The following FOXP2 variants were observed in gnomAD, a reference collection of about 807,000 sequenced individuals.
FOXP2 encodes forkhead box P2, also known as forkhead box protein P2.
In FOXP2, 12 loss-of-function variants were observed where a neutral mutation model predicts 115.8. That is an observed-to-expected ratio of 0.10 (90% CI 0.07 to 0.17). The LOEUF (loss-of-function observed/expected upper bound fraction) is 0.17. FOXP2 is among the 10% of genes least tolerant of loss of function. FOXP2 has a pLI of 1.00. For synonymous variants in FOXP2, 328 were observed against 297.7 expected (o/e 1.10, Z -1.05); for missense variants, 629 against 843.5 (o/e 0.75, Z 3.15).
At chr7:114,334,931 CTA>C (rs144511332) in intron 2 of FOXP2, among the ~76,000 whole-genome samples, 31,441 of 118,944 alleles carry the variant, frequency 0.26, 3,554 homozygotes, top group Middle Eastern at 0.37. Context: ...ATATAGAAAT[CTA>C]TATATATATA....
At chr7:114,094,012 A>C (rs1271610382) in intron 1 of FOXP2, among the ~76,000 whole-genome samples, 4 of 152,202 alleles carry the variant, frequency 2.6e-5, no homozygotes, top group Non-Finnish European at 4.4e-5. Flanking sequence ...CAGCAAGGAC[A>C]AGCCAAGTAT....
chr7:114,103,870 A>G lies in FOXP2; in HGVS notation c.-247+16032A>G, dbSNP rs183143632. On this transcript the variant is annotated intron_variant, in intron 1 of 19. Coordinates refer to the FOXP2 transcript ENST00000635638. ...GATTTTTGACTTCCAACTAACCCAT[A>G]ATAGCCATTCCTTCAATCTCCCCCT... Among the ~76,000 whole-genome samples the G allele has an allele frequency of 3.9e-5, 6 of 152,150 alleles. No homozygotes were observed. In the East Asian group the frequency reaches 1.2e-3, roughly 29 times the overall value.
chr7:114,518,394 C>A lies in FOXP2; in HGVS notation c.169-16223C>A, dbSNP rs140709266. Among the ~76,000 whole-genome samples the A allele has an allele frequency of 4.2e-3, 635 of 152,154 alleles. 8 individuals carry two copies. Among genetic ancestry groups the A allele is most frequent in the African/African-American group, 0.014 (601 of 41,508 alleles). On this transcript the variant is annotated intron_variant, in intron 2 of 16. Transcript: ENST00000350908. The stretch of plus-strand genomic sequence containing the variant: ...CCCCAAGTGGAAATTGATTGACTAA[C>A]TTACCAGAAACAATGCTTGACAGTG...
At chr7:114,148,177 G>T (rs552170141) in intron 1 of FOXP2, among the ~76,000 whole-genome samples, 1 of 152,274 alleles carries the variant, frequency 6.6e-6, no homozygotes, top group South Asian at 2.1e-4. Flanking sequence ...TGCGGGGATT[G>T]GGGGAAGAAT....
At position 114,186,351 on chromosome 7, in the gene FOXP2, A is replaced by C. The variant is rs370641765; in HGVS notation, c.-102+23263A>C. Reference sequence around the variant, plus strand: ...GCAAATTTCCCTCTTGGAATAGTATAATATTTCTCCCTATTTCAAAAGGGA... The same window carrying C: ...GCAAATTTCCCTCTTGGAATAGTATCATATTTCTCCCTATTTCAAAAGGGA... On this transcript the variant is annotated intron_variant, in intron 1 of 17. Transcript: ENST00000634411. Among the ~76,000 whole-genome samples, 31 of 152,280 alleles carry C rather than the reference A, an allele frequency of 2.0e-4. No homozygotes were observed. The South Asian group carries it at 5.6e-3, about 28-fold the overall frequency.
chr7:114,156,112 G>A (rs1041424503), intron 1 of FOXP2, among the ~76,000 whole-genome samples: 3 of 152,036 alleles, frequency 2.0e-5, no homozygotes, highest in Non-Finnish European at 2.9e-5. Flanking sequence ...TAATGCACAT[G>A]CTTCCTCCCA....
chr7:114,671,638 A>G (rs1266845948), intron 16 of FOXP2, among the ~76,000 whole-genome samples: 1 of 152,186 alleles, frequency 6.6e-6, no homozygotes, highest in African/African-American at 2.4e-5. Flanking sequence ...TAAAGAAGGA[A>G]TAATGCTTCA....
Position 114,175,264 on chromosome 7 carries a change from G to A in FOXP2, c.-102+12176G>A, listed in dbSNP as rs561584753. On this transcript the variant is annotated intron_variant, in intron 1 of 17. Transcript: ENST00000634411. Reference sequence around the variant, plus strand: ...CTACTTACTCGTTAAGTCCACTTATGTGTTAAGGATGCTGTGTTATCTGGG... The same window carrying A: ...CTACTTACTCGTTAAGTCCACTTATATGTTAAGGATGCTGTGTTATCTGGG... Among the ~76,000 whole-genome samples the A allele has an allele frequency of 5.3e-5, 8 of 152,198 alleles. 1 individual carries two copies. The highest frequency in any genetic ancestry group is 5.2e-4 in the Admixed American group (8 of 15,302).
chr7:114,548,318 T>G (rs1309974004), intron 3 of FOXP2, among the ~76,000 whole-genome samples: 3 of 152,224 alleles, frequency 2.0e-5, no homozygotes, highest in African/African-American at 7.2e-5. Context: ...ACCCATCACT[T>G]CAGCTGAGTC....
intron 1 of FOXP2, among the ~76,000 whole-genome samples, chr7:114,234,607 T>C (rs1794963586): frequency 6.6e-6 from 1 of 152,174 alleles, no homozygotes; most frequent in Admixed American, 6.5e-5. Flanking sequence ...AATGATTTTG[T>C]TTTAATTTCT....
chr7:114,549,731 A>G (rs17137091), intron 3 of FOXP2, among the ~76,000 whole-genome samples: 26,139 of 152,144 alleles, frequency 0.17, 2,694 homozygotes, highest in African/African-American at 0.29. Context: ...AACTTAGTCC[A>G]TCTTTTTTAA....
chr7:114,147,170 C>A (rs373922953), intron 1 of FOXP2, among the ~76,000 whole-genome samples: 10 of 152,054 alleles, frequency 6.6e-5, no homozygotes, highest in African/African-American at 2.4e-4. Context: ...TTATTTAATT[C>A]ATTTTACATA....
chr7:114,588,084 C>T (rs942817838), intron 3 of FOXP2, among the ~76,000 whole-genome samples: 2 of 151,506 alleles, frequency 1.3e-5, no homozygotes, highest in Non-Finnish European at 2.9e-5. Flanking sequence ...CCGAGGTGAG[C>T]GGATCACGAG....
chr7:114,347,638 T>C (rs2129185189), intron 2 of FOXP2, among the ~76,000 whole-genome samples: 1 of 152,178 alleles, frequency 6.6e-6, no homozygotes, highest in East Asian at 1.9e-4. Flanking sequence ...ATGAGTATTT[T>C]ATACCTCAAG....
intron 2 of FOXP2, among the ~76,000 whole-genome samples, 158 bp downstream of exon 2, chr7:114,426,837 T>A (rs1793876497): frequency 6.6e-6 from 1 of 151,784 alleles, no homozygotes; most frequent in Non-Finnish European, 1.5e-5. Flanking sequence ...AGTAAAGAGA[T>A]AAGATTTTCA....
At chr7:114,525,754 G>T (rs1428615557) in intron 2 of FOXP2, among the ~76,000 whole-genome samples, 1 of 152,018 alleles carries the variant, frequency 6.6e-6, no homozygotes, top group East Asian at 1.9e-4. Flanking sequence ...TCACCTACCT[G>T]CTGCTGCTCC....
At chr7:114,269,583 G>T (rs1795985320) in intron 1 of FOXP2, among the ~76,000 whole-genome samples, 1 of 152,070 alleles carries the variant, frequency 6.6e-6, no homozygotes, top group Non-Finnish European at 1.5e-5. Context: ...GAGCCACTGT[G>T]CCTGGCCAGC....
chr7:114,329,292 C>T (rs188849090), intron 2 of FOXP2, among the ~76,000 whole-genome samples: 10 of 151,982 alleles, frequency 6.6e-5, no homozygotes, highest in South Asian at 6.2e-4. Context: ...CTGAAGCAGG[C>T]GGATCACCTG....
intron 3 of FOXP2, among the ~76,000 whole-genome samples, chr7:114,560,273 A>G (rs1432812593): frequency 2.6e-5 from 4 of 152,126 alleles, no homozygotes; most frequent in Non-Finnish European, 5.9e-5. Context: ...GTCTGATTAT[A>G]CAAGCTGATA....
Sources: gnomAD v4.1 joint callset for allele counts (sites outside exome capture counted in the v4.1 genomes callset) on GRCh38, gnomAD v4.1.1 for gene constraint, MANE v1.5 for transcripts, NCBI Gene and HGNC (gene_info 2026-07-23, HGNC 2026-07-21) for gene names.